The following RHOJ variants were observed in gnomAD, a reference collection of about 807,000 sequenced individuals.
RHOJ encodes rho-related GTP-binding protein RhoJ.
Under a neutral mutation model 23.4 loss-of-function variants are expected in RHOJ, and 11 were observed. That is an observed-to-expected ratio of 0.47 (90% CI 0.30 to 0.78). The LOEUF is 0.78. Among genes scored for constraint, RHOJ ranks in the 30% least tolerant of loss-of-function variants. The probability of loss-of-function intolerance (pLI) is 0.08; values close to 1 mark genes in which losing one functional copy is unlikely to be tolerated. For missense variants in RHOJ, 254 were observed against 273.4 expected (o/e 0.93, Z 0.50); for synonymous variants, 102 against 102.7 (o/e 0.99, Z 0.04).
At chr14:63,219,462 T>C (rs188956182) in intron 1 of RHOJ, among the ~76,000 whole-genome samples, 1 of 152,202 alleles carries the variant, frequency 6.6e-6, no homozygotes, top group Non-Finnish European at 1.5e-5. Context: ...TCTTATTTAG[T>C]CTTTTTGCCT....
chr14:63,257,955 T>C (rs1895204985), intron 1 of RHOJ, among the ~76,000 whole-genome samples: 1 of 149,576 alleles, frequency 6.7e-6, no homozygotes, highest in Admixed American at 6.7e-5. Flanking sequence ...AGGGCTATCA[T>C]CTGGCTCACA....
intron 1 of RHOJ, among the ~76,000 whole-genome samples, chr14:63,209,045 A>T (rs1894174718): frequency 6.6e-6 from 1 of 151,968 alleles, no homozygotes; most frequent in Admixed American, 6.6e-5. Flanking sequence ...TTCCATTTAA[A>T]CCATTAGTTA....
intron 1 of RHOJ, among the ~76,000 whole-genome samples, chr14:63,224,557 A>G (rs1414129357): frequency 6.6e-6 from 1 of 152,196 alleles, no homozygotes; most frequent in Non-Finnish European, 1.5e-5. Context: ...GACTCCCAAT[A>G]AGAACATTTG....
At chr14:63,208,251 A>G (rs1247577743) in intron 1 of RHOJ, among the ~76,000 whole-genome samples, 1 of 152,214 alleles carries the variant, frequency 6.6e-6, no homozygotes, top group Non-Finnish European at 1.5e-5. Context: ...ACGAATTCTG[A>G]TGTATCCCTA....
chr14:63,214,848 C>A (rs1028311855), intron 1 of RHOJ, among the ~76,000 whole-genome samples: 1 of 152,090 alleles, frequency 6.6e-6, no homozygotes, highest in Non-Finnish European at 1.5e-5. Context: ...TGCAAAGCTA[C>A]ATATGGGTGA....
intron 2 of RHOJ, among the ~76,000 whole-genome samples, chr14:63,274,193 C>A (rs922074595): frequency 3.9e-5 from 6 of 152,206 alleles, no homozygotes; most frequent in African/African-American, 1.2e-4. Flanking sequence ...TTGGCTGATC[C>A]AATGGGGCCA....
chr14:63,216,761 T>A (rs1894365637), intron 1 of RHOJ, among the ~76,000 whole-genome samples: 1 of 152,238 alleles, frequency 6.6e-6, no homozygotes, highest in African/African-American at 2.4e-5. Context: ...TGATGCTACA[T>A]CTTCAGTGTC....
At chr14:63,235,094 G>C (rs1343885840) in intron 1 of RHOJ, among the ~76,000 whole-genome samples, 1 of 151,798 alleles carries the variant, frequency 6.6e-6, no homozygotes, top group African/African-American at 2.4e-5. Flanking sequence ...TTACTAATAT[G>C]CCAAACTAAG....
chr14:63,251,644 T>C (rs1230857861), intron 1 of RHOJ, among the ~76,000 whole-genome samples: 1 of 152,148 alleles, frequency 6.6e-6, no homozygotes, highest in Non-Finnish European at 1.5e-5. Flanking sequence ...GCCAAGTGTG[T>C]TGACCCTAAG....
chr14:63,224,951 C>CTTT (rs34008880), intron 1 of RHOJ, among the ~76,000 whole-genome samples: 7 of 113,800 alleles, frequency 6.2e-5, no homozygotes, highest in African/African-American at 1.9e-4. Context: ...ATCATTTATA[C>CTTT]TTTTTTTTTT....
chr14:63,225,375 A>T (rs1033249469), intron 1 of RHOJ, among the ~76,000 whole-genome samples: 1 of 152,232 alleles, frequency 6.6e-6, no homozygotes, highest in Non-Finnish European at 1.5e-5. Flanking sequence ...AAGAAAAAAG[A>T]AAACAAAGCC....
intron 1 of RHOJ, among the ~76,000 whole-genome samples, chr14:63,249,700 A>G (rs1400041517): frequency 1.3e-5 from 2 of 152,212 alleles, no homozygotes; most frequent in African/African-American, 4.8e-5. Context: ...TTCTAAGCTT[A>G]TATGTTATAC....
Position 63,292,403 on chromosome 14 carries a change from A to G in RHOJ, c.*1379A>G, listed in dbSNP as rs1281934375. On this transcript the variant is annotated 3_prime_UTR_variant, in exon 5 of 5. Coordinates refer to ENST00000316754, the MANE Select transcript of RHOJ (RefSeq NM_020663.5). ...GTAAAACAATTCCAAACATCCAGGA[A>G]TTTTTGTATCATAGAGCGAATTACT... 6.6e-6 allele frequency: 1 copy of G among 152,192 alleles called. No homozygotes were observed. Among genetic ancestry groups the G allele is most frequent in the African/African-American group, 2.4e-5 (1 of 41,442 alleles). The allele number at this position is 152,192 out of a possible 1,614,324, so 9.4% of individuals were successfully genotyped here.
At chr14:63,264,254 T>A (rs753729561) in intron 1 of RHOJ, among the ~76,000 whole-genome samples, 1 of 151,938 alleles carries the variant, frequency 6.6e-6, no homozygotes, top group Non-Finnish European at 1.5e-5. Context: ...AGTTCCCACT[T>A]ATGAGAACAT....
At chr14:63,258,460 A>ATATC (rs1466163328) in intron 1 of RHOJ, among the ~76,000 whole-genome samples, 1 of 151,502 alleles carries the variant, frequency 6.6e-6, no homozygotes, top group Non-Finnish European at 1.5e-5. Context: ...ATATATATAT[A>ATATC]TATATAGTAT....
intron 4 of RHOJ, chr14:63,288,451 C>A: frequency 4.2e-6 from 2 of 472,582 alleles, no homozygotes; most frequent in Non-Finnish European, 2.8e-6. Flanking sequence ...ACAAGTGCCA[C>A]CACGTTACAG....
chr14:63,211,719 A>C (rs1894242302), intron 1 of RHOJ, among the ~76,000 whole-genome samples: 1 of 152,152 alleles, frequency 6.6e-6, no homozygotes, highest in African/African-American at 2.4e-5. Context: ...ATTCCATCTA[A>C]CTGTATTTTT....
intron 4 of RHOJ, 142 bp downstream of exon 4, chr14:63,283,358 T>G (rs1384817015): frequency 1.2e-5 from 8 of 693,360 alleles, no homozygotes. Flanking sequence ...ATTCTCCCCC[T>G]CTGTTCTAGT....
At chr14:63,222,843 G>A (rs1360321893) in intron 1 of RHOJ, among the ~76,000 whole-genome samples, 1 of 152,194 alleles carries the variant, frequency 6.6e-6, no homozygotes, top group Non-Finnish European at 1.5e-5. Flanking sequence ...GATCCCATTT[G>A]TTAATTTTGG....
Sources: allele counts gnomAD v4.1 joint callset (sites outside exome capture counted in the v4.1 genomes callset), GRCh38; gene constraint gnomAD v4.1.1; transcripts MANE v1.5; gene names NCBI Gene and HGNC (gene_info 2026-07-23, HGNC 2026-07-21).